The following NRG3 variants were observed in gnomAD, a reference collection of about 807,000 sequenced individuals.
NRG3 encodes the protein neuregulin 3.
Under a neutral mutation model 66.9 loss-of-function variants are expected in NRG3, and 31 were observed. That is an observed-to-expected ratio of 0.46 (90% confidence interval 0.35 to 0.63). NRG3 has a LOEUF of 0.63. Ranked by LOEUF, NRG3 falls within the 20% of genes least tolerant of loss-of-function variation. The pLI is 0.00. For missense variants in NRG3, 910 were observed against 878.9 expected, an observed-to-expected ratio of 1.04 and a Z score of -0.45; for synonymous variants, 393 against 359.4, an observed-to-expected ratio of 1.09 and a Z score of -1.06.
intron 2 of NRG3, among the ~76,000 whole-genome samples, chr10:82,403,875 C>T (rs553576922): frequency 3.4e-4 from 51 of 152,138 alleles, no homozygotes; most frequent in Non-Finnish European, 1.5e-5. Context: ...GTTTTCCCAT[C>T]TGTAAAATGG....
At chr10:81,984,580 C>G (rs772778706) in intron 1 of NRG3, among the ~76,000 whole-genome samples, 1 of 152,166 alleles carries the variant, frequency 6.6e-6, no homozygotes, top group Non-Finnish European at 1.5e-5. Context: ...TGTGATACCT[C>G]ATGAGCTTCT....
chr10:82,705,106 G>A (rs2056187482), intron 2 of NRG3, among the ~76,000 whole-genome samples: 1 of 152,170 alleles, frequency 6.6e-6, no homozygotes, highest in Non-Finnish European at 1.5e-5. Flanking sequence ...GGAGAAACAA[G>A]AGTAAGCCTT....
intron 4 of NRG3, among the ~76,000 whole-genome samples, chr10:82,916,089 A>G (rs2132016368): frequency 6.6e-6 from 1 of 152,310 alleles, no homozygotes; most frequent in Admixed American, 6.5e-5. Context: ...GGATAAAAGA[A>G]CACTATTGAT....
chr10:82,020,153 G>A (rs1487243593), intron 1 of NRG3, among the ~76,000 whole-genome samples: 1 of 152,044 alleles, frequency 6.6e-6, no homozygotes, highest in Non-Finnish European at 1.5e-5. Context: ...AAAATGCCAG[G>A]TTTATAGGAA....
At chr10:82,153,169 G>A (rs1420835698) in intron 1 of NRG3, among the ~76,000 whole-genome samples, 1 of 152,008 alleles carries the variant, frequency 6.6e-6, no homozygotes, top group Non-Finnish European at 1.5e-5. Context: ...CTGTTTAGCT[G>A]AAACTTTTTA....
intron 4 of NRG3, among the ~76,000 whole-genome samples, chr10:82,902,588 T>C (rs1444158881): frequency 2.0e-5 from 3 of 152,136 alleles, no homozygotes; most frequent in Non-Finnish European, 2.9e-5. Flanking sequence ...AAGTCAACAA[T>C]CTTCAGGGCC....
chr10:81,973,305 A>G (rs2059998769), intron 1 of NRG3, among the ~76,000 whole-genome samples: 1 of 152,210 alleles, frequency 6.6e-6, no homozygotes, highest in Admixed American at 6.5e-5. Flanking sequence ...TATCCAGTCT[A>G]TCACTGATGG....
intron 1 of NRG3, among the ~76,000 whole-genome samples, chr10:82,343,830 T>C (rs1161583643): frequency 6.6e-6 from 1 of 152,102 alleles, no homozygotes; most frequent in Non-Finnish European, 1.5e-5. Flanking sequence ...TCCTCAGTGT[T>C]AATCCAGAAA....
At chr10:82,472,653 T>A (rs766458875) in intron 2 of NRG3, among the ~76,000 whole-genome samples, 6 of 152,230 alleles carry the variant, frequency 3.9e-5, no homozygotes, top group Non-Finnish European at 7.3e-5. Context: ...AAAGTCTTTC[T>A]TCAGAAGGAC....
At chr10:81,973,185 A>G (rs1242836894) in intron 1 of NRG3, among the ~76,000 whole-genome samples, 6 of 152,080 alleles carry the variant, frequency 3.9e-5, no homozygotes, top group Admixed American at 3.3e-4. Context: ...TCCTGTGCTA[A>G]TTGCTAAAGA....
chr10:81,969,786 T>C (rs955585821), intron 1 of NRG3, among the ~76,000 whole-genome samples: 76 of 152,176 alleles, frequency 5.0e-4, no homozygotes, highest in African/African-American at 1.6e-3. Flanking sequence ...TGTGTGTGTG[T>C]GTGTGTGTGT....
chr10:82,199,923 C>T (rs1405375779), intron 1 of NRG3, among the ~76,000 whole-genome samples: 2 of 145,314 alleles, frequency 1.4e-5, no homozygotes, highest in East Asian at 2.1e-4. Flanking sequence ...TGTGTGTTGC[C>T]AGGAAGTAGA....
At chr10:82,946,446 G>C (rs1334513017) in intron 4 of NRG3, among the ~76,000 whole-genome samples, 1 of 151,946 alleles carries the variant, frequency 6.6e-6, no homozygotes, top group Non-Finnish European at 1.5e-5. Context: ...GGCTGAGGCA[G>C]GAAAATCGCT....
intron 2 of NRG3, among the ~76,000 whole-genome samples, chr10:82,405,902 C>G (rs895001691): frequency 6.6e-6 from 1 of 152,098 alleles, no homozygotes; most frequent in Non-Finnish European, 1.5e-5. Context: ...AATTGATTTG[C>G]TTGAATCATT....
At chr10:82,009,136 A>G (rs1290633138) in intron 1 of NRG3, among the ~76,000 whole-genome samples, 1 of 152,212 alleles carries the variant, frequency 6.6e-6, no homozygotes, top group East Asian at 1.9e-4. Context: ...GCTTTTATCC[A>G]TCAATGATTC....
intron 1 of NRG3, among the ~76,000 whole-genome samples, chr10:81,988,179 A>G (rs2060598152): frequency 6.6e-6 from 1 of 152,222 alleles, no homozygotes; most frequent in South Asian, 2.1e-4. Flanking sequence ...TGAAATAACT[A>G]TTGCCATCCT....
At chr10:82,959,125 C>T in intron 6 of NRG3, 50 bp downstream of exon 6, 1 of 1,513,176 alleles carries the variant, frequency 6.6e-7, no homozygotes, top group Non-Finnish European at 8.8e-7. Context: ...TCAGTGCTTC[C>T]AGCTCAGAGG....
At chr10:82,164,140 C>G (rs2071840757) in intron 1 of NRG3, among the ~76,000 whole-genome samples, 1 of 152,026 alleles carries the variant, frequency 6.6e-6, no homozygotes, top group Admixed American at 6.6e-5. Context: ...AGGCTGGTCT[C>G]GAACTCCTAA....
Position 82,142,826 on chromosome 10 carries a change from A to AGTG in NRG3, c.824-215909_824-215907dup, listed in dbSNP as rs372518699. On this transcript the variant is annotated intron_variant, in intron 1 of 8. Coordinates refer to ENST00000372141, the MANE Select transcript of NRG3 (RefSeq NM_001010848.4). The stretch of plus-strand genomic sequence containing the variant: ...TCTATCTATCTCCAGGCTGGAATGC[A>AGTG]GTGGTGCAATCATGGCTCACTGCAG... Among the ~76,000 whole-genome samples the AGTG allele has an allele frequency of 4.0e-3, 556 of 139,334 alleles. 7 individuals carry two copies. The highest frequency in any genetic ancestry group is 0.013 in the African/African-American group (488 of 36,800). The allele number at this position is 139,334 out of a possible 152,430, so 91.4% of individuals were successfully genotyped here.
Sources: allele counts gnomAD v4.1 joint callset (sites outside exome capture counted in the v4.1 genomes callset), GRCh38; gene constraint gnomAD v4.1.1; transcripts MANE v1.5; gene names NCBI Gene and HGNC (gene_info 2026-07-23, HGNC 2026-07-21).